Variants in RANBP2 observed in about 807,000 individuals in gnomAD.
RANBP2 encodes RAN binding protein 2.
RANBP2 carries 57 observed loss-of-function variants against 303.6 expected under a neutral mutation model. The observed-to-expected ratio is 0.19, with a 90% CI of 0.15 to 0.23. RANBP2 has a LOEUF of 0.23. Among genes scored for constraint, RANBP2 ranks in the 10% least tolerant of loss-of-function variants. RANBP2 has a pLI of 1.00. For missense variants in RANBP2, 3,138 were observed against 3,780.8 expected (o/e 0.83, Z 4.46); for synonymous variants, 1,167 against 1,301.5 (o/e 0.90, Z 2.23).
At chr2:109,654,289 A>G in the RANBP2 span, among the ~76,000 whole-genome samples, 1 of 151,944 alleles carries the variant, frequency 6.6e-6, no homozygotes, top group Non-Finnish European at 1.5e-5. Context: ...TCATCTTGTA[A>G]TTTGGAAGTC....
the RANBP2 span, among the ~76,000 whole-genome samples, chr2:109,467,229 T>C: frequency 6.6e-6 from 1 of 152,222 alleles, no homozygotes; most frequent in East Asian, 1.9e-4. Flanking sequence ...AGACTGGAAA[T>C]GGCCCAGATG....
chr2:109,161,285 CAG>C, the RANBP2 span, among the ~76,000 whole-genome samples: 1 of 152,258 alleles, frequency 6.6e-6, no homozygotes, highest in Non-Finnish European at 1.5e-5. Flanking sequence ...CAGGGTGCTA[CAG>C]AGTTAGGAGT....
At chr2:109,183,220 A>T in the RANBP2 span, among the ~76,000 whole-genome samples, 2 of 152,238 alleles carry the variant, frequency 1.3e-5, no homozygotes, top group South Asian at 4.1e-4. Context: ...GCCTTCTTGT[A>T]TACTGATTCT....
intron 6 of RANBP2, among the ~76,000 whole-genome samples, chr2:108,737,984 G>A (rs1213935204): frequency 9.9e-5 from 15 of 151,648 alleles, no homozygotes; most frequent in Non-Finnish European, 1.8e-4. Context: ...AAAGTGTTGG[G>A]ATTACAGGCG....
chr2:109,593,342 T>C, the RANBP2 span, among the ~76,000 whole-genome samples: 5 of 151,990 alleles, frequency 3.3e-5, no homozygotes, highest in Non-Finnish European at 2.9e-5. Context: ...TATACAGTAA[T>C]ATACTTGCAC....
At chr2:108,737,653 AT>A in intron 6 of RANBP2, among the ~76,000 whole-genome samples, 1 of 144,368 alleles carries the variant, frequency 6.9e-6, no homozygotes, top group East Asian at 2.1e-4. Context: ...GGTTCAAGTG[AT>A]TCTCCTGTCT....
chr2:109,015,524 G>C, the RANBP2 span, among the ~76,000 whole-genome samples: 6 of 152,212 alleles, frequency 3.9e-5, no homozygotes, highest in South Asian at 6.2e-4. Context: ...TTGGGAGGCC[G>C]AGGTGGGTGG....
At chr2:109,609,790 C>T in the RANBP2 span, among the ~76,000 whole-genome samples, 4 of 151,968 alleles carry the variant, frequency 2.6e-5, no homozygotes, top group African/African-American at 7.2e-5. Context: ...ATGACAAATG[C>T]GGACAGGAAT....
the RANBP2 span, among the ~76,000 whole-genome samples, chr2:109,097,419 T>C: frequency 6.6e-6 from 1 of 152,024 alleles, no homozygotes; most frequent in African/African-American, 2.4e-5. Context: ...TCCAGTGTCC[T>C]GCAAAAAAAC....
the RANBP2 span, among the ~76,000 whole-genome samples, chr2:109,044,416 G>A: frequency 3.9e-5 from 6 of 151,990 alleles, no homozygotes; most frequent in Admixed American, 6.6e-5. Flanking sequence ...CCAGCTACTC[G>A]GGAGGCTCAG....
At chr2:109,129,093 C>T in the RANBP2 span, 2 of 362,306 alleles carry the variant, frequency 5.5e-6, no homozygotes, top group East Asian at 1.5e-4. Context: ...GTGCGGCTCG[C>T]CAGCTGCGCG....
At chr2:108,881,839 C>G in the RANBP2 span, among the ~76,000 whole-genome samples, 1 of 152,206 alleles carries the variant, frequency 6.6e-6, no homozygotes, top group African/African-American at 2.4e-5. Context: ...GAAACAATTA[C>G]AATAGTAACA....
At chr2:109,520,445 CA>C in the RANBP2 span, among the ~76,000 whole-genome samples, 1 of 151,206 alleles carries the variant, frequency 6.6e-6, no homozygotes, top group Admixed American at 6.6e-5. Flanking sequence ...ACTAAAAATA[CA>C]AAAATTAGCC....
the RANBP2 span, among the ~76,000 whole-genome samples, chr2:109,225,697 G>A: frequency 0.043 from 6,553 of 152,346 alleles, 454 homozygotes; most frequent in African/African-American, 0.15. Flanking sequence ...AGAGAGGAGA[G>A]CAGGTGGTGT....
chr2:108,891,105 C>T, the RANBP2 span, among the ~76,000 whole-genome samples: 1 of 152,100 alleles, frequency 6.6e-6, no homozygotes, highest in Non-Finnish European at 1.5e-5. Flanking sequence ...TCAGAGTTCT[C>T]TTGTATATCA....
the RANBP2 span, among the ~76,000 whole-genome samples, chr2:108,797,882 A>G: frequency 6.6e-6 from 1 of 152,118 alleles, no homozygotes; most frequent in Admixed American, 6.6e-5. Context: ...AACATATAAA[A>G]AGATTTTTGG....
chr2:109,539,277 G>A, the RANBP2 span, among the ~76,000 whole-genome samples: 4 of 152,010 alleles, frequency 2.6e-5, no homozygotes, highest in African/African-American at 7.2e-5. Flanking sequence ...CAGCCTGGGC[G>A]ACAGAGCAAG....
chr2:108,829,340 A>G, the RANBP2 span, among the ~76,000 whole-genome samples: 2 of 152,246 alleles, frequency 1.3e-5, no homozygotes, highest in Non-Finnish European at 2.9e-5. Flanking sequence ...CTAAATAGCT[A>G]TTTCTCCAAA....
chr2:108,833,507 A>G, the RANBP2 span, among the ~76,000 whole-genome samples: 1 of 152,220 alleles, frequency 6.6e-6, no homozygotes, highest in Non-Finnish European at 1.5e-5. Context: ...ACAATGCCAG[A>G]TGAATTTAGT....
Sources: allele counts gnomAD v4.1 joint callset (sites outside exome capture counted in the v4.1 genomes callset), GRCh38; gene constraint gnomAD v4.1.1; transcripts MANE v1.5; gene names NCBI Gene and HGNC (gene_info 2026-07-23, HGNC 2026-07-21).